MMP26: variants seen among roughly 807,000 people sequenced by gnomAD.
MMP26 encodes matrix metallopeptidase 26.
Under a neutral mutation model 31.0 loss-of-function variants are expected in MMP26, and 33 were observed. That is an observed-to-expected ratio of 1.06 (90% confidence interval 0.81 to 1.42). The LOEUF (loss-of-function observed/expected upper bound fraction) is 1.42, where lower values mean the gene tolerates loss of function less well. Ranked by LOEUF, MMP26 falls within the 40% of genes most tolerant of loss-of-function variation. The pLI is 0.00. For missense variants in MMP26, 347 were observed against 316.1 expected, an observed-to-expected ratio of 1.10 and a Z score of -0.74; for synonymous variants, 122 against 114.9, an observed-to-expected ratio of 1.06 and a Z score of -0.40.
At chr11:4,908,316 A>G in intron 2 of MMP26, 1 of 1,608,224 alleles carries the variant, frequency 6.2e-7, no homozygotes, top group East Asian at 2.2e-5. Flanking sequence ...TAAGAACTTG[A>G]ACAATTAGGT....
At chr11:4,717,070 T>C (rs1204699077) in intron 1 of MMP26, among the ~76,000 whole-genome samples, 4 of 152,180 alleles carry the variant, frequency 2.6e-5, no homozygotes, top group Non-Finnish European at 5.9e-5. Context: ...AGAATTTCTT[T>C]CATGATGATT....
intron 1 of MMP26, among the ~76,000 whole-genome samples, 152 bp downstream of exon 1, chr11:4,705,197 T>C (rs1847758624): frequency 6.6e-6 from 1 of 152,174 alleles, no homozygotes; most frequent in Non-Finnish European, 1.5e-5. Flanking sequence ...CTCAAAAATA[T>C]CGTTGTAGCG....
At chr11:4,720,796 C>T (rs1420982841) in intron 1 of MMP26, among the ~76,000 whole-genome samples, 1 of 152,186 alleles carries the variant, frequency 6.6e-6, no homozygotes. Context: ...AAGGGGACTT[C>T]CCCGCTCGCT....
intron 2 of MMP26, among the ~76,000 whole-genome samples, chr11:4,984,298 C>T (rs957983932): frequency 4.6e-5 from 7 of 152,128 alleles, no homozygotes; most frequent in African/African-American, 9.7e-5. Flanking sequence ...ATTAAATGAC[C>T]TCAAAGCCTC....
chr11:4,799,755 G>A (rs1849156496), intron 2 of MMP26, among the ~76,000 whole-genome samples: 1 of 152,156 alleles, frequency 6.6e-6, no homozygotes, highest in South Asian at 2.1e-4. Flanking sequence ...ATACAATGGT[G>A]GTACAGGCAT....
At chr11:4,716,089 C>T (rs1406590398) in intron 1 of MMP26, among the ~76,000 whole-genome samples, 1 of 152,152 alleles carries the variant, frequency 6.6e-6, no homozygotes, top group Non-Finnish European at 1.5e-5. Context: ...GCTAAAAGCC[C>T]AGCAAGAAAT....
At chr11:4,783,108 A>G (rs1219283705) in intron 2 of MMP26, among the ~76,000 whole-genome samples, 2 of 152,216 alleles carry the variant, frequency 1.3e-5, no homozygotes, top group African/African-American at 2.4e-5. Context: ...GAAGAGGGAC[A>G]CGATCCTCCA....
At chr11:4,801,515 T>C (rs1467588992) in intron 2 of MMP26, among the ~76,000 whole-genome samples, 2 of 61,112 alleles carry the variant, frequency 3.3e-5, no homozygotes, top group Non-Finnish European at 6.7e-5. Flanking sequence ...TTTATTTATT[T>C]ATTTATTTAT....
At chr11:4,908,322 T>C in intron 2 of MMP26, 3 of 1,603,892 alleles carry the variant, frequency 1.9e-6, no homozygotes, top group Non-Finnish European at 2.6e-6. Flanking sequence ...CTTGAACAAT[T>C]AGGTAATAAA....
chr11:4,734,966 G>A (rs1848220356), intron 1 of MMP26, among the ~76,000 whole-genome samples: 1 of 152,208 alleles, frequency 6.6e-6, no homozygotes, highest in Non-Finnish European at 1.5e-5. Context: ...AGGGCTGGGT[G>A]GATGAAGGGA....
At position 4,989,722 on chromosome 11, in the gene MMP26, G is replaced by A. The variant is rs1329905796; in HGVS notation, c.174G>A (p.Leu58=). 6.2e-7 allele frequency: 1 copy of A among 1,613,962 alleles called. No homozygotes were observed. ...CCCAGGAGACACAAACACAGCTCCT[G>A]CAACAATTCCATCGGAATGGGACAG... ...LLTQETQTQL[L]QQFHRNGTDL... Residue 58 remains leucine, a synonymous_variant, in exon 4 of 8, where the codon CTG becomes CTA. Coordinates refer to ENST00000380390, the MANE Select transcript of MMP26 (RefSeq NM_021801.5).
chr11:4,906,467 A>G (rs1303856127), intron 2 of MMP26, among the ~76,000 whole-genome samples: 2 of 152,264 alleles, frequency 1.3e-5, no homozygotes, highest in South Asian at 2.1e-4. Flanking sequence ...TTATTTTTAT[A>G]TAACACTTGA....
rs1320741181 is a variant in MMP26, at chr11:4,948,168, C to T, written c.-144-39900C>T. On this transcript the variant is annotated intron_variant, in intron 2 of 7. Transcript: ENST00000380390. Reference sequence around the variant, plus strand: ...TCTTCCCTGTTTAAGGGACCTACTTCGGTAATAAGACTTTATGTTTAAGAA... The same window carrying T: ...TCTTCCCTGTTTAAGGGACCTACTTTGGTAATAAGACTTTATGTTTAAGAA... Among the ~76,000 whole-genome samples, 10 of 124,788 alleles carry T rather than the reference C, an allele frequency of 8.0e-5. 2 individuals are homozygous for T. Among genetic ancestry groups the T allele is most frequent in the East Asian group, 2.3e-4 (1 of 4,436 alleles). The allele number at this position is 124,788 out of a possible 152,430, so 81.9% of individuals were successfully genotyped here. A position where few individuals can be genotyped will look rare whatever the true frequency, so the allele number is the denominator to read the frequency against.
intron 2 of MMP26, among the ~76,000 whole-genome samples, chr11:4,822,963 A>C (rs1461240378): frequency 6.6e-6 from 1 of 152,174 alleles, no homozygotes; most frequent in Non-Finnish European, 1.5e-5. Context: ...AAGAGTTAAA[A>C]GTTGGTAATT....
rs1031351544 is a variant in MMP26 at position 4,769,163 on chromosome 11, A to G, written c.-145+1822A>G. On this transcript the variant is annotated intron_variant, in intron 2 of 7. Transcript: ENST00000380390. ...CAGGCTCAGCATGTGGATGTAGAAG[A>G]AAGCAACTGCTCCCACATGGGAGAC... 1.5e-5 allele frequency: 25 copies of G among 1,613,994 alleles called. No homozygotes were observed. The East Asian group carries it at 5.3e-4, about 35-fold the overall frequency.
intron 2 of MMP26, among the ~76,000 whole-genome samples, chr11:4,929,715 T>C (rs192389402): frequency 3.3e-5 from 5 of 152,256 alleles, no homozygotes; most frequent in Admixed American, 2.6e-4. Flanking sequence ...TGACTCATTA[T>C]TTAGATGCTT....
At chr11:4,915,906 G>A (rs1405106531) in intron 2 of MMP26, among the ~76,000 whole-genome samples, 2 of 152,152 alleles carry the variant, frequency 1.3e-5, no homozygotes, top group Non-Finnish European at 1.5e-5. Context: ...GAAGTGATGA[G>A]CCAAACTGGG....
intron 2 of MMP26, among the ~76,000 whole-genome samples, chr11:4,771,044 G>A (rs1438827612): frequency 6.6e-6 from 1 of 152,154 alleles, no homozygotes; most frequent in Non-Finnish European, 1.5e-5. Flanking sequence ...TGGAGGTACG[G>A]TTTATTTTAA....
intron 1 of MMP26, chr11:4,756,788 C>T (rs559288513): frequency 1.1e-4 from 17 of 150,022 alleles, no homozygotes; most frequent in African/African-American, 4.2e-4. Flanking sequence ...CAATAATCCT[C>T]GCTGCAAGTA....
Sources: gnomAD v4.1 joint callset for allele counts (sites outside exome capture counted in the v4.1 genomes callset) on GRCh38, gnomAD v4.1.1 for gene constraint, MANE v1.5 for transcripts, NCBI Gene and HGNC (gene_info 2026-07-23, HGNC 2026-07-21) for gene names.